Variants in DNAJC6 observed in about 807,000 individuals in gnomAD.
DNAJC6 encodes auxilin.
In DNAJC6, 34 loss-of-function variants were observed where a neutral mutation model predicts 110.0. That is an observed-to-expected ratio of 0.31 (90% CI 0.24 to 0.41). The LOEUF (loss-of-function observed/expected upper bound fraction) is 0.41, where lower values mean the gene tolerates loss of function less well. Ranked by LOEUF, DNAJC6 falls within the 10% of genes least tolerant of loss-of-function variation. DNAJC6 has a pLI of 1.00. For missense variants in DNAJC6, 1,031 were observed against 1,207.8 expected, an observed-to-expected ratio of 0.85 and a Z score of 2.17; for synonymous variants, 406 against 437.2, an observed-to-expected ratio of 0.93 and a Z score of 0.89.
At chr1:65,412,886 T>A (rs1646141424) in intron 18 of DNAJC6, 38 bp from the exon 19 acceptor site, 5 of 1,551,950 alleles carry the variant, frequency 3.2e-6, no homozygotes, top group Non-Finnish European at 4.4e-6. Context: ...GAAATTTTGG[T>A]CTGTGGTATC....
chr1:65,368,018 A>AAAAAAT lies in DNAJC6; in HGVS notation c.543+1834_543+1839dup, dbSNP rs1161675059. 3.3e-5 allele frequency among the ~76,000 whole-genome samples: 5 copies of AAAAAAT among 152,246 alleles called. No homozygotes were observed. In the East Asian group the frequency reaches 9.6e-4, roughly 29 times the overall value. On this transcript the variant is annotated intron_variant, in intron 4 of 18. Transcript: ENST00000371069. The stretch of plus-strand genomic sequence containing the variant: ...CCTAATGCTATCCCTCCCCAAAAAT[A>AAAAAAT]AAAAATAAAAATAAAAAAGCATGAA...
chr1:65,402,126 A>G (rs1003268106), intron 15 of DNAJC6, among the ~76,000 whole-genome samples: 3 of 152,240 alleles, frequency 2.0e-5, no homozygotes, highest in African/African-American at 7.2e-5. Context: ...GTGTAGCATG[A>G]ATAAAGTTAG....
chr1:65,307,030 A>C (rs1272378517), upstream of DNAJC6, among the ~76,000 whole-genome samples: 6 of 147,196 alleles, frequency 4.1e-5, no homozygotes, highest in Admixed American at 1.4e-4. Context: ...ATATATATAT[A>C]TATATATATA....
At chr1:65,309,521 C>T (rs1301549936), upstream of DNAJC6, 4 of 1,163,440 alleles carry the variant, frequency 3.4e-6, 1 homozygote, top group African/African-American at 5.0e-5. Context: ...CTCCTTCCCT[C>T]CCTCCCTCCT....
At chr1:65,382,983 G>A (rs923362253) in intron 5 of DNAJC6, among the ~76,000 whole-genome samples, 1 of 152,216 alleles carries the variant, frequency 6.6e-6, no homozygotes, top group African/African-American at 2.4e-5. Flanking sequence ...ATATGTGAAG[G>A]ACTGCCATAG....
intron 15 of DNAJC6, among the ~76,000 whole-genome samples, chr1:65,404,493 A>C (rs896524761): frequency 6.6e-6 from 1 of 152,234 alleles, no homozygotes; most frequent in Non-Finnish European, 1.5e-5. Context: ...CTTAGTGCCC[A>C]GCATAGTACA....
chr1:65,283,358 T>A (rs1390485845), intron 1 of DNAJC6, among the ~76,000 whole-genome samples: 1 of 152,150 alleles, frequency 6.6e-6, no homozygotes, highest in African/African-American at 2.4e-5. Flanking sequence ...TCTTTATAAT[T>A]ATGTTATTTC....
intron 1 of DNAJC6, among the ~76,000 whole-genome samples, chr1:65,346,303 T>G (rs936190607): frequency 1.3e-5 from 2 of 152,138 alleles, no homozygotes; most frequent in Non-Finnish European, 2.9e-5. Flanking sequence ...CCCTAAAGAG[T>G]GTGCTATCCC....
chr1:65,336,355 C>A (rs1002995855), intron 1 of DNAJC6, among the ~76,000 whole-genome samples: 1 of 152,152 alleles, frequency 6.6e-6, no homozygotes, highest in Non-Finnish European at 1.5e-5. Context: ...GTCCCTCCCA[C>A]AACACATGGG....
At position 65,346,635 on chromosome 1, in the gene DNAJC6, A is replaced by G. The variant is rs573260479; in HGVS notation, c.194-18000A>G. On this transcript the variant is annotated intron_variant, in intron 1 of 18. Coordinates refer to ENST00000371069, the MANE Select transcript of DNAJC6 (RefSeq NM_001256864.2). ...AGAGACCCCTGCCCCACCCTTCCTC[A>G]TCTGCTTAGGGGAGACTGTAATACT... is the stretch of plus-strand genomic sequence containing the variant. 5.3e-5 allele frequency among the ~76,000 whole-genome samples: 8 copies of G among 152,056 alleles called. 1 individual carries two copies. In the South Asian group the frequency reaches 1.0e-3, roughly 20 times the overall value.
chr1:65,270,133 C>T (rs1399957813), intron 1 of DNAJC6, among the ~76,000 whole-genome samples: 1 of 152,176 alleles, frequency 6.6e-6, no homozygotes, highest in Non-Finnish European at 1.5e-5. Context: ...ACCAGTACAA[C>T]ACACCTGAAT....
intron 1 of DNAJC6, among the ~76,000 whole-genome samples, chr1:65,351,130 A>T (rs889455906): frequency 6.6e-6 from 1 of 152,132 alleles, no homozygotes; most frequent in Non-Finnish European, 1.5e-5. Context: ...AGCTCAGGGG[A>T]CCACTATTCT....
intron 1 of DNAJC6, among the ~76,000 whole-genome samples, chr1:65,332,809 A>C (rs1645300467): frequency 6.6e-6 from 1 of 152,232 alleles, no homozygotes. Flanking sequence ...TGATATTAGC[A>C]GTGGTTTATA....
In DNAJC6 at chr1:65,392,472, G is replaced by A. The variant is rs1455677961; in HGVS notation, c.1510G>A (p.Ala504Thr). The change falls in exon 12 of 19, where the codon GCC becomes ACC. Residue 504 changes from alanine (A) to threonine (T), a missense_variant. Ala to Thr is a moderately conservative substitution (Grantham distance 58). Coordinates refer to ENST00000371069, the MANE Select transcript of DNAJC6 (RefSeq NM_001256864.2). ...GTCATTCTGTGAGGAGGACCACGCT[G>A]CCCTAGTGAATCAGGAAAGTGAGCA... ...EKSFCEEDHAALVNQESEQSD... is the reference protein window; with the variant it reads ...EKSFCEEDHATLVNQESEQSD... The A allele has an allele frequency of 6.2e-7, 1 of 1,612,640 alleles. No homozygotes were observed. The highest frequency in any genetic ancestry group is 1.3e-5 in the African/African-American group (1 of 74,896).
In DNAJC6 at chr1:65,413,234, A is replaced by T; in HGVS notation, c.*209A>T. ...CACCATAAAAGATCCAAAGCATGAG[A>T]GGAACTTCTAGTCAGATGACCTTGC... On this transcript the variant is annotated 3_prime_UTR_variant, in exon 19 of 19. Transcript: ENST00000371069. The T allele has an allele frequency of 2.0e-6, 1 of 501,518 alleles. No individual in the cohort carries two copies. The highest frequency in any genetic ancestry group is 3.6e-6 in the Non-Finnish European group (1 of 281,260). 31.1% of individuals were successfully genotyped at this position (501,518 alleles called of 1,614,324 possible).
rs766648054 is a variant in DNAJC6, at chr1:65,415,392, T to A, written c.*2367T>A. 3.3e-5 allele frequency: 5 copies of A among 151,478 alleles called. No homozygotes were observed. Among genetic ancestry groups the A allele is most frequent in the Admixed American group, 6.6e-5 (1 of 15,174 alleles). The allele number at this position is 151,478 out of a possible 1,614,324, so 9.4% of individuals were successfully genotyped here. A position where few individuals can be genotyped will look rare whatever the true frequency, so the allele number is the denominator to read the frequency against. On this transcript the variant is annotated 3_prime_UTR_variant, in exon 19 of 19. Transcript: ENST00000371069. ...TTATGAGGAGAGAATACAAAAAGCA[T>A]GCACCAAAATGTAATCTGACAGGAT...
chr1:65,336,345 G>C (rs1022992085), intron 1 of DNAJC6, among the ~76,000 whole-genome samples: 1 of 152,108 alleles, frequency 6.6e-6, no homozygotes, highest in African/African-American at 2.4e-5. Flanking sequence ...CTCCCACTGG[G>C]TCCCTCCCAC....
At chr1:65,329,302 A>G (rs1373995464) in intron 1 of DNAJC6, among the ~76,000 whole-genome samples, 4 of 152,066 alleles carry the variant, frequency 2.6e-5, no homozygotes, top group Admixed American at 2.6e-4. Flanking sequence ...TCCTTCATTT[A>G]TAAAGTCAGT....
chr1:65,374,231 T>G (rs751255061), intron 4 of DNAJC6, among the ~76,000 whole-genome samples: 6 of 152,196 alleles, frequency 3.9e-5, no homozygotes, highest in Non-Finnish European at 7.3e-5. Flanking sequence ...TCTAACTTTG[T>G]TCTTTTTGCT....
Sources: gnomAD v4.1 joint callset for allele counts (sites outside exome capture counted in the v4.1 genomes callset) on GRCh38, gnomAD v4.1.1 for gene constraint, MANE v1.5 for transcripts, NCBI Gene and HGNC (gene_info 2026-07-23, HGNC 2026-07-21) for gene names.